ARMH3: variants seen among roughly 807,000 people sequenced by gnomAD.
The protein encoded by ARMH3 is armadillo like helical domain containing 3, also known as armadillo-like helical domain-containing protein 3.
Under a neutral mutation model 99.1 loss-of-function variants are expected in ARMH3, and 60 were observed. That is an observed-to-expected ratio of 0.61 (90% CI 0.49 to 0.75). The LOEUF (loss-of-function observed/expected upper bound fraction) is 0.75, where lower values mean the gene tolerates loss of function less well. Ranked by LOEUF, ARMH3 falls within the 30% of genes least tolerant of loss-of-function variation. The pLI, the probability that ARMH3 is intolerant of heterozygous loss-of-function variation, is 0.00. For synonymous variants in ARMH3, 285 were observed against 292.8 expected (o/e 0.97, Z 0.27); for missense variants, 679 against 843.1 (o/e 0.81, Z 2.41).
At chr10:102,016,547 C>T (rs912592868) in intron 8 of ARMH3, among the ~76,000 whole-genome samples, 1 of 152,110 alleles carries the variant, frequency 6.6e-6, no homozygotes, top group African/African-American at 2.4e-5. Context: ...AGAAAAGGAA[C>T]AACTTAATTA....
At chr10:101,937,289 A>G (rs952132620) in intron 23 of ARMH3, among the ~76,000 whole-genome samples, 1 of 152,146 alleles carries the variant, frequency 6.6e-6, no homozygotes, top group East Asian at 1.9e-4. Context: ...AGGCCAAGGC[A>G]GGTGGATCAT....
rs748869477 is a variant in ARMH3 at position 101,975,285 on chromosome 10, T to C, written c.1422A>G (p.Val474=). The C allele has an allele frequency of 2.5e-6, 4 of 1,612,338 alleles. No homozygotes were observed. Among genetic ancestry groups the C allele is most frequent in the Non-Finnish European group, 3.4e-6 (4 of 1,178,914 alleles). Residue 474 remains valine, a synonymous_variant, in exon 20 of 26, where the codon GTA becomes GTG. Coordinates refer to ENST00000370033, the MANE Select transcript of ARMH3 (RefSeq NM_024541.3). ...PMDLYIRCIQ[V]VHKLLCYQKK... is the part of the protein sequence containing the mutation. ...TCTGGTAGCAGAGCAGTTTGTGTAC[T>C]ACCTGGATGCAGCGTCTGTAACAGG...
intron 4 of ARMH3, among the ~76,000 whole-genome samples, chr10:102,030,252 C>A (rs1237875028): frequency 6.6e-6 from 1 of 152,104 alleles, no homozygotes; most frequent in Admixed American, 6.6e-5. Context: ...CAAAATCCAG[C>A]AAATAAAAGA....
intron 5 of ARMH3, 149 bp downstream of exon 5, chr10:102,029,489 G>A (rs1419189858): frequency 6.4e-7 from 1 of 1,560,664 alleles, no homozygotes; most frequent in Admixed American, 1.9e-5. Context: ...AAGCAAATCT[G>A]TGAAATAAAA....
intron 24 of ARMH3, among the ~76,000 whole-genome samples, chr10:101,854,948 T>C (rs191278792): frequency 7.2e-5 from 9 of 125,776 alleles, no homozygotes; most frequent in Non-Finnish European, 1.5e-4. Flanking sequence ...AAGGAGTATT[T>C]GGAGTTCTGG....
chr10:101,932,990 T>C (rs1045503616), intron 23 of ARMH3, among the ~76,000 whole-genome samples: 16 of 152,192 alleles, frequency 1.1e-4, no homozygotes, highest in African/African-American at 3.9e-4. Flanking sequence ...ATCGAGACCA[T>C]CCTGGCTAAC....
chr10:101,970,995 G>A (rs1332277518), intron 20 of ARMH3, among the ~76,000 whole-genome samples: 1 of 151,042 alleles, frequency 6.6e-6, no homozygotes, highest in Non-Finnish European at 1.5e-5. Flanking sequence ...TGCTCAGGAG[G>A]CTGAGTTGGG....
chr10:101,942,008 G>A (rs1352647279), intron 22 of ARMH3, among the ~76,000 whole-genome samples: 1 of 151,978 alleles, frequency 6.6e-6, no homozygotes, highest in Non-Finnish European at 1.5e-5. Context: ...CTCTGTCCAC[G>A]GATTACTTCT....
At chr10:101,985,983 A>G (rs1479172534) in intron 19 of ARMH3, among the ~76,000 whole-genome samples, 2 of 151,980 alleles carry the variant, frequency 1.3e-5, no homozygotes, top group African/African-American at 4.8e-5. Flanking sequence ...ATGCCACTGC[A>G]CTCCAGCCTG....
chr10:102,045,873 T>C (rs1338456070), intron 1 of ARMH3, among the ~76,000 whole-genome samples: 4 of 152,102 alleles, frequency 2.6e-5, no homozygotes, highest in Non-Finnish European at 5.9e-5. Flanking sequence ...GGTAGGTGGA[T>C]CACTTGAGGT....
At chr10:102,023,647 CAA>C (rs761967775) in intron 7 of ARMH3, 26 bp downstream of exon 7, 2 of 1,610,932 alleles carry the variant, frequency 1.2e-6, no homozygotes, top group South Asian at 2.2e-5. Flanking sequence ...TGGTTTACCC[CAA>C]AGAGAGGAGG....
At chr10:101,914,222 C>T (rs10883693) in intron 23 of ARMH3, among the ~76,000 whole-genome samples, 31,271 of 152,050 alleles carry the variant, frequency 0.21, 3,567 homozygotes, top group East Asian at 0.52. Context: ...GGCGTGGTGG[C>T]TCACACCTGT....
chr10:102,009,121 A>C (rs2066573978), intron 13 of ARMH3, among the ~76,000 whole-genome samples: 1 of 152,206 alleles, frequency 6.6e-6, no homozygotes, highest in Non-Finnish European at 1.5e-5. Context: ...ATGACAATTC[A>C]TTTGGGTTAA....
chr10:101,923,248 CTTA>C (rs111943698), intron 23 of ARMH3, among the ~76,000 whole-genome samples: 1 of 152,114 alleles, frequency 6.6e-6, no homozygotes, highest in Non-Finnish European at 1.5e-5. Context: ...CATAATTCTG[CTTA>C]TTATTATCTT....
At chr10:102,009,293 C>A in intron 13 of ARMH3, 81 bp downstream of exon 13, 1 of 1,316,824 alleles carries the variant, frequency 7.6e-7, no homozygotes, top group Non-Finnish European at 1.1e-6. Context: ...TAAACAAGTA[C>A]AGCCAGATAG....
At chr10:101,922,981 A>G (rs1270968237) in intron 23 of ARMH3, among the ~76,000 whole-genome samples, 1 of 152,060 alleles carries the variant, frequency 6.6e-6, no homozygotes, top group Admixed American at 6.5e-5. Context: ...GCATTAGTAC[A>G]CTCCATGTTT....
intron 23 of ARMH3, among the ~76,000 whole-genome samples, chr10:101,908,491 T>G (rs1407584169): frequency 2.6e-5 from 4 of 152,186 alleles, no homozygotes; most frequent in Non-Finnish European, 5.9e-5. Flanking sequence ...CTCTACCTAC[T>G]ACATGCCAGT....
intron 24 of ARMH3, among the ~76,000 whole-genome samples, chr10:101,857,637 G>A (rs1041504722): frequency 4.6e-5 from 7 of 152,294 alleles, no homozygotes; most frequent in East Asian, 3.9e-4. Context: ...CAGAAAGGCT[G>A]AAGTCATCTT....
intron 14 of ARMH3, 107 bp from the exon 15 acceptor site, chr10:102,002,179 T>C: frequency 6.6e-7 from 1 of 1,514,546 alleles, no homozygotes; most frequent in Admixed American, 2.0e-5. Context: ...AAATAAGCTT[T>C]TTCCACAACA....
Sources: allele counts gnomAD v4.1 joint callset (sites outside exome capture counted in the v4.1 genomes callset), GRCh38; gene constraint gnomAD v4.1.1; transcripts MANE v1.5; gene names NCBI Gene and HGNC (gene_info 2026-07-23, HGNC 2026-07-21).